The following LHFPL3 variants were observed in gnomAD, a reference collection of about 807,000 sequenced individuals.
LHFPL3 encodes LHFPL tetraspan subfamily member 3 protein.
A neutral mutation model predicts 19.3 loss-of-function variants in LHFPL3; 5 were observed. The observed-to-expected ratio is 0.26, with a 90% CI of 0.14 to 0.54. LHFPL3 has a LOEUF of 0.54. Among genes scored for constraint, LHFPL3 ranks in the 20% least tolerant of loss-of-function variants. The pLI, the probability that LHFPL3 is intolerant of heterozygous loss-of-function variation, is 0.94. For missense variants in LHFPL3, 249 were observed against 307.4 expected (o/e 0.81, Z 1.42); for synonymous variants, 133 against 126.2 (o/e 1.05, Z -0.36).
chr7:104,625,900 A>G (rs897662086), intron 1 of LHFPL3, among the ~76,000 whole-genome samples: 7 of 152,344 alleles, frequency 4.6e-5, no homozygotes, highest in Middle Eastern at 3.4e-3. Context: ...TACTCACATC[A>G]TGAAACTTCT....
chr7:104,697,246 T>C (rs1793014777), intron 1 of LHFPL3, among the ~76,000 whole-genome samples: 1 of 152,138 alleles, frequency 6.6e-6, no homozygotes, highest in Non-Finnish European at 1.5e-5. Context: ...AGCACAAAGA[T>C]TCAGTCTATA....
At chr7:104,813,034 A>G (rs1025687168) in intron 2 of LHFPL3, among the ~76,000 whole-genome samples, 3 of 151,982 alleles carry the variant, frequency 2.0e-5, no homozygotes, top group African/African-American at 4.8e-5. Flanking sequence ...GAATTGCTTG[A>G]ACCCAGGAGG....
chr7:104,794,673 CA>C, intron 2 of LHFPL3, among the ~76,000 whole-genome samples: 1 of 152,208 alleles, frequency 6.6e-6, no homozygotes, highest in Non-Finnish European at 1.5e-5. Flanking sequence ...GTGTTTCAAG[CA>C]GTTCCTTTCT....
chr7:104,890,004 A>G (rs1007973876), intron 2 of LHFPL3, among the ~76,000 whole-genome samples: 1 of 152,080 alleles, frequency 6.6e-6, no homozygotes, highest in African/African-American at 2.4e-5. Flanking sequence ...GCTTCTTAGG[A>G]TAAGGAAACA....
intron 1 of LHFPL3, among the ~76,000 whole-genome samples, chr7:104,715,732 G>A (rs191285349): frequency 2.8e-4 from 42 of 152,254 alleles, no homozygotes; most frequent in African/African-American, 9.9e-4. Flanking sequence ...TTGTATCCAA[G>A]GGATAAATCC....
intron 1 of LHFPL3, among the ~76,000 whole-genome samples, chr7:104,385,298 C>T (rs2116459678): frequency 6.6e-6 from 1 of 152,308 alleles, no homozygotes; most frequent in Non-Finnish European, 1.5e-5. Context: ...TGTAGATTAC[C>T]TTCAAGGATA....
chr7:104,390,433 C>T (rs1017255079), intron 1 of LHFPL3, among the ~76,000 whole-genome samples: 13 of 151,500 alleles, frequency 8.6e-5, no homozygotes, highest in East Asian at 3.9e-4. Flanking sequence ...TGAGAACATG[C>T]GGTGTTTGGT....
chr7:104,432,249 T>A (rs1792016667), intron 1 of LHFPL3, among the ~76,000 whole-genome samples: 1 of 152,184 alleles, frequency 6.6e-6, no homozygotes, highest in African/African-American at 2.4e-5. Context: ...GTACATCCTG[T>A]AGCTTCTGTA....
At chr7:104,574,978 G>C (rs1178823304) in intron 1 of LHFPL3, among the ~76,000 whole-genome samples, 1 of 152,148 alleles carries the variant, frequency 6.6e-6, no homozygotes, top group African/African-American at 2.4e-5. Context: ...TAATCCATGA[G>C]AGTTTCACTA....
At chr7:104,541,927 C>T (rs1008981837) in intron 1 of LHFPL3, among the ~76,000 whole-genome samples, 6 of 151,760 alleles carry the variant, frequency 4.0e-5, no homozygotes, top group African/African-American at 1.5e-4. Flanking sequence ...GGAGGAGGAC[C>T]CTGGGAAGGG....
At chr7:104,544,785 T>C (rs1794549938) in intron 1 of LHFPL3, among the ~76,000 whole-genome samples, 1 of 152,200 alleles carries the variant, frequency 6.6e-6, no homozygotes, top group African/African-American at 2.4e-5. Context: ...GAATGTACAA[T>C]TGTAGAATTC....
intron 2 of LHFPL3, among the ~76,000 whole-genome samples, chr7:104,869,057 C>A (rs1193505983): frequency 1.3e-5 from 2 of 152,138 alleles, no homozygotes; most frequent in Non-Finnish European, 2.9e-5. Context: ...CTTCCTTACA[C>A]CTTATACAAA....
At chr7:104,352,105 T>C (rs1305188487) in intron 1 of LHFPL3, among the ~76,000 whole-genome samples, 6 of 151,414 alleles carry the variant, frequency 4.0e-5, no homozygotes, top group Admixed American at 4.0e-4. Flanking sequence ...TTGGAGGCTG[T>C]GGTGAGCTAT....
intron 1 of LHFPL3, among the ~76,000 whole-genome samples, chr7:104,386,679 T>C (rs962806985): frequency 6.6e-6 from 1 of 152,240 alleles, no homozygotes; most frequent in Non-Finnish European, 1.5e-5. Flanking sequence ...TGTGCCCTGA[T>C]ATACGTGTAG....
intron 1 of LHFPL3, among the ~76,000 whole-genome samples, chr7:104,430,419 CAT>C (rs1457442187): frequency 0.026 from 387 of 14,604 alleles, 9 homozygotes; most frequent in East Asian, 0.047. Flanking sequence ...TATATATATA[CAT>C]ATATATATAT....
At position 104,678,338 on chromosome 7, in the gene LHFPL3, C is replaced by T. The variant is rs55752637; in HGVS notation, c.446-58337C>T. On this transcript the variant is annotated intron_variant, in intron 1 of 2. Transcript: ENST00000424859. ...TCTGACGCCCAGAGTAAACAGCACC[C>T]CTTACCAAACGTTGCTTTTTAAGTA... is the stretch of plus-strand genomic sequence containing the variant. Among the ~76,000 whole-genome samples, 237 of 152,154 alleles carry T rather than the reference C, an allele frequency of 1.6e-3. 2 individuals carry two copies. The highest frequency in any genetic ancestry group is 5.0e-3 in the African/African-American group (207 of 41,520).
intron 2 of LHFPL3, among the ~76,000 whole-genome samples, chr7:104,780,552 AG>A (rs572963512): frequency 6.6e-6 from 1 of 152,070 alleles, no homozygotes; most frequent in African/African-American, 2.4e-5. Context: ...AAAACAGACA[AG>A]GGGGGAAAAG....
chr7:104,773,703 C>A (rs1000439592), intron 2 of LHFPL3, among the ~76,000 whole-genome samples: 4 of 152,290 alleles, frequency 2.6e-5, no homozygotes, highest in Non-Finnish European at 4.4e-5. Context: ...GAAACCTGGA[C>A]AGAGACTCCC....
At chr7:104,734,225 T>C (rs1031795805) in intron 1 of LHFPL3, among the ~76,000 whole-genome samples, 6 of 152,182 alleles carry the variant, frequency 3.9e-5, no homozygotes, top group Admixed American at 1.3e-4. Context: ...GGGAGTATCT[T>C]TGTGGCATTC....
Sources: allele counts gnomAD v4.1 joint callset (sites outside exome capture counted in the v4.1 genomes callset), GRCh38; gene constraint gnomAD v4.1.1; transcripts MANE v1.5; gene names NCBI Gene and HGNC (gene_info 2026-07-23, HGNC 2026-07-21).